Variants in RANBP17 observed in about 807,000 individuals in gnomAD.
RANBP17 encodes RAN binding protein 17.
In RANBP17, 158 loss-of-function variants were observed where a neutral mutation model predicts 141.2. The ratio of observed to expected loss-of-function variants is 1.12; its 90% CI spans 0.98 to 1.28. The LOEUF (loss-of-function observed/expected upper bound fraction) is 1.28, where lower values mean the gene tolerates loss of function less well. Ranked by LOEUF, RANBP17 falls within the 50% of genes most tolerant of loss-of-function variation. RANBP17 has a pLI of 0.00. For missense variants in RANBP17, 1,438 were observed against 1,290.7 expected (o/e 1.11, Z -1.75); for synonymous variants, 430 against 450.0 (o/e 0.96, Z 0.56).
intron 14 of RANBP17, among the ~76,000 whole-genome samples, chr5:171,088,294 C>T (rs1457329537): frequency 6.6e-6 from 1 of 151,860 alleles, no homozygotes; most frequent in Non-Finnish European, 1.5e-5. Flanking sequence ...ATATTGGCCC[C>T]CACTCTTCTG....
At chr5:171,295,776 C>T in intron 26 of RANBP17, 111 bp from the exon 27 acceptor site, 3 of 1,210,348 alleles carry the variant, frequency 2.5e-6, no homozygotes, top group Non-Finnish European at 3.5e-6. Context: ...AAAAACTCCT[C>T]TGAGCATTAG....
intron 14 of RANBP17, among the ~76,000 whole-genome samples, chr5:171,071,202 G>A (rs1219316253): frequency 1.3e-5 from 2 of 151,940 alleles, no homozygotes; most frequent in African/African-American, 4.8e-5. Context: ...GGTAACTGGA[G>A]GTATCTTACT....
chr5:171,230,562 A>T (rs1764149251), intron 22 of RANBP17, among the ~76,000 whole-genome samples: 1 of 152,046 alleles, frequency 6.6e-6, no homozygotes, highest in Non-Finnish European at 1.5e-5. Flanking sequence ...GGAGTTCGAG[A>T]CCAGCCTGGC....
At chr5:170,896,195 A>G in intron 5 of RANBP17, 80 bp downstream of exon 5, 2 of 958,998 alleles carry the variant, frequency 2.1e-6, no homozygotes, top group South Asian at 1.5e-5. Flanking sequence ...TTTGTGGCAA[A>G]ATAGACAGCC....
At chr5:170,891,862 A>G (rs9637852) in intron 3 of RANBP17, among the ~76,000 whole-genome samples, 91,348 of 151,980 alleles carry the variant, frequency 0.6, 29,160 homozygotes, top group South Asian at 0.89. Context: ...GGTTTTCTGC[A>G]TTCACCTAGC....
chr5:171,011,775 A>G (rs1188360889), intron 14 of RANBP17, among the ~76,000 whole-genome samples: 1 of 152,038 alleles, frequency 6.6e-6, no homozygotes, highest in Non-Finnish European at 1.5e-5. Context: ...GTAATGATAT[A>G]GGAATATTAT....
intron 12 of RANBP17, among the ~76,000 whole-genome samples, chr5:170,933,681 C>A (rs1773600923): frequency 7.9e-5 from 12 of 152,286 alleles, no homozygotes; most frequent in Admixed American, 7.8e-4. Flanking sequence ...ACCCAGTAGT[C>A]ATTCAGGAGC....
At chr5:170,996,169 A>G (rs967030028) in intron 14 of RANBP17, among the ~76,000 whole-genome samples, 2 of 152,196 alleles carry the variant, frequency 1.3e-5, no homozygotes, top group Non-Finnish European at 2.9e-5. Context: ...AAAGGGCTAG[A>G]AATCTAAAAG....
intron 22 of RANBP17, among the ~76,000 whole-genome samples, chr5:171,237,442 C>T (rs184398633): frequency 1.9e-3 from 290 of 152,174 alleles, no homozygotes; most frequent in African/African-American, 6.5e-3. Flanking sequence ...CTCCATTCCC[C>T]GTTATTGCCT....
chr5:171,088,959 A>G (rs1417554424), intron 14 of RANBP17, among the ~76,000 whole-genome samples: 1 of 151,678 alleles, frequency 6.6e-6, no homozygotes, highest in Non-Finnish European at 1.5e-5. Context: ...TTCTTCTCTC[A>G]GCTCGTCAAA....
chr5:170,950,148 A>G (rs1439492475), intron 12 of RANBP17, among the ~76,000 whole-genome samples: 1 of 152,136 alleles, frequency 6.6e-6, no homozygotes, highest in African/African-American at 2.4e-5. Flanking sequence ...AGAAGAAAAC[A>G]TGGGGAGACA....
chr5:170,877,973 T>G, intron 1 of RANBP17, 124 bp from the exon 2 acceptor site: 1 of 591,568 alleles, frequency 1.7e-6, no homozygotes, highest in Admixed American at 3.9e-5. Context: ...AGTAGTTGTA[T>G]ATCGATAAAC....
At chr5:171,245,190 T>C (rs1197914170) in intron 24 of RANBP17, among the ~76,000 whole-genome samples, 1 of 152,212 alleles carries the variant, frequency 6.6e-6, no homozygotes, top group Non-Finnish European at 1.5e-5. Context: ...GATTTCTGGA[T>C]CTGTTCCTAT....
At position 170,964,652 on chromosome 5, in the gene RANBP17, G is replaced by T. The variant is rs962652238; in HGVS notation, c.1575-3590G>T. ...TATGAGTGAGAACATGCAGTGTTTG[G>T]TTTTTTGTCCTTGCGATAGTTTACT... On this transcript the variant is annotated intron_variant, in intron 13 of 27. Coordinates refer to ENST00000523189, the MANE Select transcript of RANBP17 (RefSeq NM_022897.5). Among the ~76,000 whole-genome samples, 5 of 151,994 alleles carry T rather than the reference G, an allele frequency of 3.3e-5. No homozygotes were observed. The East Asian group carries it at 7.7e-4, about 23-fold the overall frequency.
intron 14 of RANBP17, among the ~76,000 whole-genome samples, chr5:171,017,056 C>T (rs568326607): frequency 6.6e-6 from 1 of 152,244 alleles, no homozygotes; most frequent in South Asian, 2.1e-4. Context: ...CTTCCAGCTT[C>T]ATCCCATGTC....
At chr5:170,895,533 A>T (rs1362198705) in intron 4 of RANBP17, among the ~76,000 whole-genome samples, 1 of 152,204 alleles carries the variant, frequency 6.6e-6, no homozygotes, top group African/African-American at 2.4e-5. Flanking sequence ...TTTCATATAC[A>T]TGCACAATTA....
chr5:170,896,977 G>A, intron 5 of RANBP17: 5 of 1,061,296 alleles, frequency 4.7e-6, no homozygotes, highest in Non-Finnish European at 7.0e-6. Context: ...AAACCAGATT[G>A]GCTGCTGCTT....
In RANBP17 at chr5:170,950,239, G is replaced by A. The variant is rs117454230; in HGVS notation, c.1469-3358G>A. 2.0e-5 allele frequency among the ~76,000 whole-genome samples: 3 copies of A among 152,002 alleles called. No homozygotes were observed. In the East Asian group the frequency reaches 5.8e-4, roughly 29 times the overall value. On this transcript the variant is annotated intron_variant, in intron 12 of 27. Transcript: ENST00000523189. Reference sequence around the variant, plus strand: ...CAACAAACATAAAAATAGACAAATGGGATTATATTAAGCTAAAAAGCCCCT... The same window carrying A: ...CAACAAACATAAAAATAGACAAATGAGATTATATTAAGCTAAAAAGCCCCT...
chr5:170,982,358 A>G (rs756870078), intron 14 of RANBP17, among the ~76,000 whole-genome samples: 1 of 152,226 alleles, frequency 6.6e-6, no homozygotes, highest in Non-Finnish European at 1.5e-5. Context: ...TGATAATACA[A>G]TTGACAATAG....
Sources: allele counts gnomAD v4.1 joint callset (sites outside exome capture counted in the v4.1 genomes callset), GRCh38; gene constraint gnomAD v4.1.1; transcripts MANE v1.5; gene names NCBI Gene and HGNC (gene_info 2026-07-23, HGNC 2026-07-21).